Variants in JPH4 observed in about 807,000 individuals in gnomAD.
The protein encoded by JPH4 is junctophilin-4.
In JPH4, 18 loss-of-function variants were observed where a neutral mutation model predicts 57.6. The observed-to-expected ratio is 0.31, with a 90% CI of 0.22 to 0.46. The LOEUF is 0.46. Ranked by LOEUF, JPH4 falls within the 20% of genes least tolerant of loss-of-function variation. JPH4 has a pLI of 1.00. For synonymous variants in JPH4, 425 were observed against 406.6 expected (o/e 1.05, Z -0.54); for missense variants, 727 against 911.1 (o/e 0.80, Z 2.60).
In JPH4 at chr14:23,569,499, G is replaced by GAA. The variant is rs142956727; in HGVS notation, c.*134_*135insTT. ...AGAAAAAGCGAGAGAAAAAAACAAA[G>GAA]GAGCACAGAAAAGAAAGGAAGAAGA... On this transcript the variant is annotated 3_prime_UTR_variant, in exon 6 of 6. Transcript: ENST00000356300. The surrounding 1 kb of genome is among the most constrained non-coding windows in gnomAD (Gnocchi z 4.8). 1.0e-3 allele frequency: 704 copies of GAA among 690,464 alleles called. 8 individuals are homozygous for GAA. The East Asian group carries it at 0.018, about 17-fold the overall frequency. The allele number at this position is 690,464 out of a possible 1,614,324, so 42.8% of individuals were successfully genotyped here.
At position 23,569,547 on chromosome 14, in the gene JPH4, C is replaced by A; in HGVS notation, c.*87G>T. ...AGAGAAAGAAAGATAGGAGAAAACA[C>A]AGCCAGGAAGAGGAGAAGAGAAAAA... On this transcript the variant is annotated 3_prime_UTR_variant, in exon 6 of 6. Coordinates refer to ENST00000356300, the MANE Select transcript of JPH4 (RefSeq NM_001146028.2). This position sits in a 1 kb window ranked among gnomAD's most constrained non-coding sequence, Gnocchi z 4.8. 1.2e-6 allele frequency: 1 copy of A among 852,634 alleles called. No homozygotes were observed. The highest frequency in any genetic ancestry group is 1.4e-5 in the South Asian group (1 of 69,394). The allele number at this position is 852,634 out of a possible 1,614,324, so 52.8% of individuals were successfully genotyped here. A position where few individuals can be genotyped will look rare whatever the true frequency, so the allele number is the denominator to read the frequency against.
rs756478192 is a variant in JPH4, at chr14:23,577,285, C to T, written c.169G>A (p.Gly57Ser). The T allele has an allele frequency of 2.1e-5, 32 of 1,537,074 alleles. No individual in the cohort carries two copies. The highest frequency in any genetic ancestry group is 2.7e-5 in the Non-Finnish European group (31 of 1,145,104). The part of the protein sequence containing the change: ...FESLGVFTGP[G>S]GHSYQGHWQQ... ...CAGTGGCCCTGGTAGCTGTGTCCGC[C>T]GGGCCCCGTGAAGACGCCCAGTGAC... The change falls in exon 2 of 6, where the codon GGC becomes AGC. Residue 57 changes from glycine to serine, a missense_variant. Coordinates refer to ENST00000356300, the MANE Select transcript of JPH4 (RefSeq NM_001146028.2). This position sits in a 1 kb window ranked among gnomAD's most constrained non-coding sequence, Gnocchi z 8.4.
In JPH4 at chr14:23,571,924, T is replaced by C. The variant is rs749186154; in HGVS notation, c.1152-4A>G. On this transcript the variant is annotated splice_region_variant and splice_polypyrimidine_tract_variant and intron_variant, in intron 3 of 5. Transcript: ENST00000356300. The surrounding 1 kb of genome is among the most constrained non-coding windows in gnomAD (Gnocchi z 4.6). Reference sequence around the variant, plus strand: ...CTTTAGGAGGGCGTCTGCTGCCCTGTCGGGTCCAGAGACAGGGATTTAGCA... The same window carrying C: ...CTTTAGGAGGGCGTCTGCTGCCCTGCCGGGTCCAGAGACAGGGATTTAGCA... The C allele has an allele frequency of 6.2e-7, 1 of 1,610,496 alleles. No homozygotes were observed. Among genetic ancestry groups the C allele is most frequent in the Non-Finnish European group, 8.5e-7 (1 of 1,179,592 alleles).
At position 23,571,048 on chromosome 14, in the gene JPH4, G is replaced by A. The variant is rs1186917701; in HGVS notation, c.1683C>T (p.Gly561=). The part of the protein sequence containing the change: ...EPLPPLRAPA[G]TEPEPIAMLV... Reference sequence around the variant, plus strand: ...GCATGGCGATGGGCTCAGGCTCCGTGCCTGCTGGGGCCCTCAGCGGGGGCA... The same window carrying A: ...GCATGGCGATGGGCTCAGGCTCCGTACCTGCTGGGGCCCTCAGCGGGGGCA... The change falls in exon 5 of 6, where the codon GGC becomes GGT. Residue 561 remains glycine (G), a synonymous_variant. Coordinates refer to ENST00000356300, the MANE Select transcript of JPH4 (RefSeq NM_001146028.2). This position sits in a 1 kb window ranked among gnomAD's most constrained non-coding sequence, Gnocchi z 4.6. 6.2e-7 allele frequency: 1 copy of A among 1,607,804 alleles called. No homozygotes were observed. Among genetic ancestry groups the A allele is most frequent in the South Asian group, 1.1e-5 (1 of 89,856 alleles).
At position 23,576,473 on chromosome 14, in the gene JPH4, G is replaced by C; in HGVS notation, c.380-17C>G. On this transcript the variant is annotated splice_polypyrimidine_tract_variant and intron_variant, in intron 2 of 5. Transcript: ENST00000356300. This position sits in a 1 kb window ranked among gnomAD's most constrained non-coding sequence, Gnocchi z 8.0. ...GGTAGGTGCCTGCGGGCGGCGGAGG[G>C]GTGGGAGAAAGAGTCAGGACGTGCC... The C allele has an allele frequency of 7.1e-7, 1 of 1,400,306 alleles. No individual in the cohort carries two copies. Among genetic ancestry groups the C allele is most frequent in the Non-Finnish European group, 9.2e-7 (1 of 1,086,606 alleles). The allele number at this position is 1,400,306 out of a possible 1,614,324, so 86.7% of individuals were successfully genotyped here.
rs1253135637 is a variant in JPH4 at position 23,576,245 on chromosome 14, C to T, written c.591G>A (p.Leu197=). 7 of 1,270,180 alleles carry T rather than the reference C, an allele frequency of 5.5e-6. No individual in the cohort carries two copies. The highest frequency in any genetic ancestry group is 5.9e-6 in the Non-Finnish European group (6 of 1,010,112). The allele number at this position is 1,270,180 out of a possible 1,614,324, so 78.7% of individuals were successfully genotyped here. A position where few individuals can be genotyped will look rare whatever the true frequency, so the allele number is the denominator to read the frequency against. ...PASGSRGGFV[L]AGPGDADGAS... ...CGCCGTCGGCGTCCCCGGGCCCGGC[C>T]AGCACGAAGCCGCCCCGGGAGCCCG... The change falls in exon 3 of 6, where the codon CTG becomes CTA. Residue 197 remains leucine, a synonymous_variant. Coordinates refer to ENST00000356300, the MANE Select transcript of JPH4 (RefSeq NM_001146028.2). This position sits in a 1 kb window ranked among gnomAD's most constrained non-coding sequence, Gnocchi z 8.0.
At position 23,575,632 on chromosome 14, in the gene JPH4, C is replaced by G. The variant is rs1889252141; in HGVS notation, c.1151+53G>C. 6.4e-7 allele frequency: 1 copy of G among 1,553,180 alleles called. No individual in the cohort carries two copies. Among genetic ancestry groups the G allele is most frequent in the African/African-American group, 1.4e-5 (1 of 73,322 alleles). Reference sequence around the variant, plus strand: ...TTAGGCACACCCGCCTTCCTGGTCCCCAGCGCACCCCCTCCTCTTAGCCCA... The same window carrying G: ...TTAGGCACACCCGCCTTCCTGGTCCGCAGCGCACCCCCTCCTCTTAGCCCA... On this transcript the variant is annotated intron_variant, in intron 3 of 5. Transcript: ENST00000356300. This position sits in a 1 kb window ranked among gnomAD's most constrained non-coding sequence, Gnocchi z 6.9.
intron 3 of JPH4, chr14:23,574,910 T>A: frequency 2.1e-5 from 4 of 191,836 alleles, no homozygotes; most frequent in Non-Finnish European, 4.2e-5. Context: ...CTCAAGGGTC[T>A]ACAGGTGTGT....
At chr14:23,573,144 A>T (rs1022426568) in intron 3 of JPH4, 7 of 600,092 alleles carry the variant, frequency 1.2e-5, no homozygotes, top group Non-Finnish European at 2.1e-5. Flanking sequence ...GGTGGGGAAG[A>T]GGATGGTGAT....
At position 23,571,983 on chromosome 14, in the gene JPH4, G is replaced by T; in HGVS notation, c.1152-63C>A. Reference sequence around the variant, plus strand: ...CCCACTTCAAGTTAGTCCCTGCTCAGATGCTCCAGCCCCCTAGCCCCTGTC... The same window carrying T: ...CCCACTTCAAGTTAGTCCCTGCTCATATGCTCCAGCCCCCTAGCCCCTGTC... On this transcript the variant is annotated intron_variant, in intron 3 of 5. Transcript: ENST00000356300. This position sits in a 1 kb window ranked among gnomAD's most constrained non-coding sequence, Gnocchi z 4.6. 6.9e-7 allele frequency: 1 copy of T among 1,457,630 alleles called. No homozygotes were observed. The highest frequency in any genetic ancestry group is 9.5e-7 in the Non-Finnish European group (1 of 1,049,342). The allele number at this position is 1,457,630 out of a possible 1,614,324, so 90.3% of individuals were successfully genotyped here.
Position 23,575,467 on chromosome 14 carries a change from C to G in JPH4, c.1151+218G>C, listed in dbSNP as rs1889247896. On this transcript the variant is annotated intron_variant, in intron 3 of 5. Transcript: ENST00000356300. This position sits in a 1 kb window ranked among gnomAD's most constrained non-coding sequence, Gnocchi z 6.9. Reference sequence around the variant, plus strand: ...ACACATTTACAGTCTTACACCATCTCCCTCAAATACCCAGCTATCCAGAGT... The same window carrying G: ...ACACATTTACAGTCTTACACCATCTGCCTCAAATACCCAGCTATCCAGAGT... 3.3e-6 allele frequency: 2 copies of G among 608,304 alleles called. No homozygotes were observed. The highest frequency in any genetic ancestry group is 5.8e-6 in the Non-Finnish European group (2 of 343,550). The allele number at this position is 608,304 out of a possible 1,614,324, so 37.7% of individuals were successfully genotyped here. A position where few individuals can be genotyped will look rare whatever the true frequency, so the allele number is the denominator to read the frequency against.
rs776706683 is a variant in JPH4 at position 23,571,395 on chromosome 14, C to T, written c.1336G>A (p.Val446Ile). 9 of 1,600,092 alleles carry T rather than the reference C, an allele frequency of 5.6e-6. No homozygotes were observed. The highest frequency in any genetic ancestry group is 5.1e-6 in the Non-Finnish European group (6 of 1,179,708). ...TEPLDEDSPG[V>I]YENGLTPSEG... The stretch of plus-strand genomic sequence containing the variant: ...GAGGGGGTCAGTCCGTTCTCATATA[C>T]CCCAGGGCTGTCCTCATCCAGGGGC... Residue 446 changes from valine (V) to isoleucine (I), a missense_variant, in exon 5 of 6, where the codon GTA (valine) becomes ATA (isoleucine). This residue lies in a region of JPH4 where 293 missense variants were observed against 279.8 expected (regional missense o/e 1.05). Coordinates refer to ENST00000356300, the MANE Select transcript of JPH4 (RefSeq NM_001146028.2). The surrounding 1 kb of genome is among the most constrained non-coding windows in gnomAD (Gnocchi z 4.6).
At position 23,571,380 on chromosome 14, in the gene JPH4, G is replaced by T. The variant is rs771219135; in HGVS notation, c.1351C>A (p.Leu451Met). Residue 451 changes from leucine (L) to methionine (M), a missense_variant, in exon 5 of 6, where the codon CTG becomes ATG. This residue lies in a region of JPH4 where 293 missense variants were observed against 279.8 expected (regional missense o/e 1.05). Coordinates refer to ENST00000356300, the MANE Select transcript of JPH4 (RefSeq NM_001146028.2). The surrounding 1 kb of genome is among the most constrained non-coding windows in gnomAD (Gnocchi z 4.6). ...EDSPGVYENG[L>M]TPSEGSPELP... ...TCAGGGGATCCCTCTGAGGGGGTCA[G>T]TCCGTTCTCATATACCCCAGGGCTG... is the stretch of plus-strand genomic sequence containing the variant. The T allele has an allele frequency of 6.2e-7, 1 of 1,600,854 alleles. No individual in the cohort carries two copies. Among genetic ancestry groups the T allele is most frequent in the Non-Finnish European group, 8.5e-7 (1 of 1,179,542 alleles).
At position 23,569,284 on chromosome 14, in the gene JPH4, A is replaced by G. The variant is rs1888996257; in HGVS notation, c.*350T>C. Reference sequence around the variant, plus strand: ...CCCGCAGCGAAGTTGAGGTCTAAAGAAAAGGTGGGAGGGCGTGGAGCAATG... The same window carrying G: ...CCCGCAGCGAAGTTGAGGTCTAAAGGAAAGGTGGGAGGGCGTGGAGCAATG... On this transcript the variant is annotated 3_prime_UTR_variant, in exon 6 of 6. Coordinates refer to ENST00000356300, the MANE Select transcript of JPH4 (RefSeq NM_001146028.2). The surrounding 1 kb of genome is among the most constrained non-coding windows in gnomAD (Gnocchi z 4.8). 2 of 301,318 alleles carry G rather than the reference A, an allele frequency of 6.6e-6. No individual in the cohort carries two copies. The highest frequency in any genetic ancestry group is 1.3e-5 in the Non-Finnish European group (2 of 157,090). 18.7% of individuals were successfully genotyped at this position (301,318 alleles called of 1,614,324 possible).
At chr14:23,574,691 G>T (rs1595395114) in intron 3 of JPH4, among the ~76,000 whole-genome samples, 1 of 152,336 alleles carries the variant, frequency 6.6e-6, no homozygotes, top group Middle Eastern at 3.4e-3. Context: ...AAAGGAATTT[G>T]TAAAATATCT....
Position 23,576,560 on chromosome 14 carries a change from G to T in JPH4, c.380-104C>A. ...GGAAGCCCAAGCGTCAGGCGGGAGA[G>T]ATGGAGGCAGTTAGTGTGGAGGTCG... is the stretch of plus-strand genomic sequence containing the variant. On this transcript the variant is annotated intron_variant, in intron 2 of 5. Coordinates refer to ENST00000356300, the MANE Select transcript of JPH4 (RefSeq NM_001146028.2). This position sits in a 1 kb window ranked among gnomAD's most constrained non-coding sequence, Gnocchi z 8.0. 1 of 992,166 alleles carries T rather than the reference G, an allele frequency of 1.0e-6. No homozygotes were observed. The highest frequency in any genetic ancestry group is 1.3e-6 in the Non-Finnish European group (1 of 752,842). The allele number at this position is 992,166 out of a possible 1,614,324, so 61.5% of individuals were successfully genotyped here.
chr14:23,573,937 AACACACACACAC>A (rs35127620), intron 3 of JPH4, among the ~76,000 whole-genome samples: 3 of 143,090 alleles, frequency 2.1e-5, no homozygotes, highest in African/African-American at 7.7e-5. Flanking sequence ...CTCTCTCTGT[AACACACACACAC>A]ACACACACAC....
Position 23,571,419 on chromosome 14 carries a change from G to T in JPH4, c.1312C>A (p.Pro438Thr), listed in dbSNP as rs189783859. ...ACCCCAGGGCTGTCCTCATCCAGGG[G>T]CTCCGTGTCGGAACCTTCTGAGTCC... Reference protein sequence around the residue: ...RQDSEGSDTEPLDEDSPGVYE... With the variant: ...RQDSEGSDTETLDEDSPGVYE... Residue 438 changes from proline (P) to threonine (T), a missense_variant, in exon 5 of 6, where the codon CCC (proline) becomes ACC (threonine). This residue lies in a region of JPH4 where 293 missense variants were observed against 279.8 expected (regional missense o/e 1.05). Transcript: ENST00000356300. This position sits in a 1 kb window ranked among gnomAD's most constrained non-coding sequence, Gnocchi z 4.6. 8.1e-6 allele frequency: 13 copies of T among 1,599,546 alleles called. No individual in the cohort carries two copies. The East Asian group carries it at 1.6e-4, about 19-fold the overall frequency.
At position 23,571,927 on chromosome 14, in the gene JPH4, G is replaced by C. The variant is rs1889159547; in HGVS notation, c.1152-7C>G. On this transcript the variant is annotated splice_region_variant and splice_polypyrimidine_tract_variant and intron_variant, in intron 3 of 5. Coordinates refer to ENST00000356300, the MANE Select transcript of JPH4 (RefSeq NM_001146028.2). The surrounding 1 kb of genome is among the most constrained non-coding windows in gnomAD (Gnocchi z 4.6). ...TAGGAGGGCGTCTGCTGCCCTGTCGGGTCCAGAGACAGGGATTTAGCAGAA... is the reference window on the plus strand; with the variant it reads ...TAGGAGGGCGTCTGCTGCCCTGTCGCGTCCAGAGACAGGGATTTAGCAGAA... The C allele has an allele frequency of 6.2e-7, 1 of 1,609,282 alleles. No individual in the cohort carries two copies. The highest frequency in any genetic ancestry group is 8.5e-7 in the Non-Finnish European group (1 of 1,178,720).
Sources: allele counts gnomAD v4.1 joint callset (sites outside exome capture counted in the v4.1 genomes callset), GRCh38; gene constraint gnomAD v4.1.1; regional missense constraint gnomAD v4.1.1; non-coding constraint Gnocchi (gnomAD v3.1); transcripts MANE v1.5; gene names NCBI Gene and HGNC (gene_info 2026-07-23, HGNC 2026-07-21).